CCSER2: variants seen among roughly 807,000 people sequenced by gnomAD.
CCSER2 encodes serine-rich coiled-coil domain-containing protein 2.
In CCSER2, 46 loss-of-function variants were observed where a neutral mutation model predicts 92.3. The observed-to-expected ratio is 0.50, with a 90% CI of 0.39 to 0.64. CCSER2 has a LOEUF of 0.64. Among genes scored for constraint, CCSER2 ranks in the 30% least tolerant of loss-of-function variants. The probability of loss-of-function intolerance (pLI) is 0.00; values close to 1 mark genes in which losing one functional copy is unlikely to be tolerated. For synonymous variants in CCSER2, 433 were observed against 431.4 expected, an observed-to-expected ratio of 1.00 and a Z score of -0.04; for missense variants, 1,244 against 1,238.9, an observed-to-expected ratio of 1.00 and a Z score of -0.06.
intron 3 of CCSER2, among the ~76,000 whole-genome samples, chr10:84,389,962 T>C (rs1473209668): frequency 6.6e-6 from 1 of 152,184 alleles, no homozygotes; most frequent in Non-Finnish European, 1.5e-5. Flanking sequence ...CTTGTTCTTT[T>C]TATTAGGAAA....
At chr10:84,499,670 T>A (rs1016658144) in intron 9 of CCSER2, among the ~76,000 whole-genome samples, 37 of 152,146 alleles carry the variant, frequency 2.4e-4, no homozygotes, top group South Asian at 8.3e-4. Flanking sequence ...AATAATTTTT[T>A]AAAAAAATAT....
At chr10:84,433,756 TTTCTC>T (rs1284117723) in intron 5 of CCSER2, among the ~76,000 whole-genome samples, 2 of 152,202 alleles carry the variant, frequency 1.3e-5, no homozygotes, top group Non-Finnish European at 2.9e-5. Flanking sequence ...TCAAGATTCT[TTTCTC>T]TAGTTTGCAT....
intron 7 of CCSER2, among the ~76,000 whole-genome samples, chr10:84,468,153 T>G (rs1846564649): frequency 6.6e-6 from 1 of 152,162 alleles, no homozygotes; most frequent in South Asian, 2.1e-4. Flanking sequence ...TCTCCAGACG[T>G]GCTATGCTTT....
chr10:84,344,702 G>C lies in CCSER2; in HGVS notation c.-40+15894G>C, dbSNP rs151249907. On this transcript the variant is annotated intron_variant, in intron 1 of 9. Transcript: ENST00000372088. Reference sequence around the variant, plus strand: ...GAGTCAAGGGAGTAGTGTGCACTTTGGTAAGGAGTCCTGAAAGAGCATCTT... The same window carrying C: ...GAGTCAAGGGAGTAGTGTGCACTTTCGTAAGGAGTCCTGAAAGAGCATCTT... Among the ~76,000 whole-genome samples, 742 of 152,264 alleles carry C rather than the reference G, an allele frequency of 4.9e-3. 5 individuals carry two copies. The highest frequency in any genetic ancestry group is 0.017 in the African/African-American group (709 of 41,544).
chr10:84,335,228 C>CTTTTTTT (rs1202869188), intron 1 of CCSER2, among the ~76,000 whole-genome samples: 9 of 69,998 alleles, frequency 1.3e-4, no homozygotes, highest in African/African-American at 2.3e-4. Context: ...CTCTCTCTCT[C>CTTTTTTT]TTTTTTTTTT....
intron 9 of CCSER2, among the ~76,000 whole-genome samples, 163 bp from the exon 10 acceptor site, chr10:84,513,286 T>C (rs1481539654): frequency 6.6e-6 from 1 of 152,218 alleles, no homozygotes; most frequent in Non-Finnish European, 1.5e-5. Flanking sequence ...TGTATGTGTC[T>C]AATTTGCTTG....
At chr10:84,509,505 C>T (rs115298879) in intron 9 of CCSER2, among the ~76,000 whole-genome samples, 133 of 152,298 alleles carry the variant, frequency 8.7e-4, no homozygotes, top group African/African-American at 3.1e-3. Flanking sequence ...TGCACAACCC[C>T]CCTGTAGTGC....
At chr10:84,337,973 T>C (rs1843933471) in intron 1 of CCSER2, among the ~76,000 whole-genome samples, 1 of 152,146 alleles carries the variant, frequency 6.6e-6, no homozygotes, top group African/African-American at 2.4e-5. Flanking sequence ...TATCTGTAGC[T>C]ATCAGCTTAG....
rs746071944 is a variant in CCSER2, at chr10:84,372,371, A to G, written c.1319A>G (p.Lys440Arg). ...GAGGAAATGTCTCTCAAAGAAGAGA[A>G]ACATGAAAATGGGCCACCACAGGAT... is the stretch of plus-strand genomic sequence containing the variant. The part of the protein sequence containing the change: ...TPEEMSLKEE[K>R]HENGPPQDMF... The change falls in exon 2 of 10, where the codon AAA becomes AGA. Residue 440 changes from lysine to arginine, a missense_variant. Physicochemically the swap from Lys to Arg is conservative, Grantham distance 26. Coordinates refer to ENST00000372088, the MANE Select transcript of CCSER2 (RefSeq NM_001284240.2). 2.5e-6 allele frequency: 4 copies of G among 1,612,326 alleles called. No individual in the cohort carries two copies. Among genetic ancestry groups the G allele is most frequent in the Non-Finnish European group, 3.4e-6 (4 of 1,179,170 alleles).
At chr10:84,492,617 T>C (rs1045391316) in intron 9 of CCSER2, among the ~76,000 whole-genome samples, 1 of 152,324 alleles carries the variant, frequency 6.6e-6, no homozygotes, top group African/African-American at 2.4e-5. Context: ...TGGGAGATGG[T>C]TTTTATCAAG....
intron 5 of CCSER2, among the ~76,000 whole-genome samples, chr10:84,436,582 C>T (rs1374668745): frequency 6.7e-6 from 1 of 148,732 alleles, no homozygotes; most frequent in Non-Finnish European, 1.5e-5. Flanking sequence ...TTGCAGTGAG[C>T]CGAGATCGCG....
chr10:84,447,258 A>G (rs1589690355), intron 6 of CCSER2, among the ~76,000 whole-genome samples: 1 of 152,226 alleles, frequency 6.6e-6, no homozygotes, highest in African/African-American at 2.4e-5. Flanking sequence ...TGCAAACTTG[A>G]TAATACCCAA....
At chr10:84,451,503 C>T (rs571020426) in intron 6 of CCSER2, among the ~76,000 whole-genome samples, 10 of 152,052 alleles carry the variant, frequency 6.6e-5, no homozygotes, top group South Asian at 6.2e-4. Flanking sequence ...TTTAGGAAAA[C>T]TTAGTTTCTT....
chr10:84,380,348 A>G (rs2133209062), intron 3 of CCSER2, among the ~76,000 whole-genome samples: 1 of 152,250 alleles, frequency 6.6e-6, no homozygotes, highest in South Asian at 2.1e-4. Context: ...TTGATATGGA[A>G]GAGTTTTTTA....
intron 1 of CCSER2, among the ~76,000 whole-genome samples, chr10:84,358,923 C>T (rs1845349238): frequency 1.3e-5 from 2 of 152,014 alleles, no homozygotes; most frequent in African/African-American, 2.4e-5. Flanking sequence ...TTGCCTTGTT[C>T]ATATGTACAG....
chr10:84,342,603 A>G (rs912871822), intron 1 of CCSER2, among the ~76,000 whole-genome samples: 14 of 152,116 alleles, frequency 9.2e-5, no homozygotes, highest in African/African-American at 3.4e-4. Flanking sequence ...AAAGCCCTTG[A>G]CTCAGACTTC....
chr10:84,351,771 A>G (rs1053999925), intron 1 of CCSER2, among the ~76,000 whole-genome samples: 53 of 152,248 alleles, frequency 3.5e-4, no homozygotes, highest in African/African-American at 1.3e-3. Context: ...GTGAGATTTC[A>G]GTAGTCTGCA....
Position 84,513,432 on chromosome 10 carries a change from GT to G in CCSER2, c.2326-12del, listed in dbSNP as rs199742087. ...TTTCTAAGAACTTGCTGCTAATGTT[GT>G]TTTTAATTTTAACAGCCTCAAGTAC... On this transcript the variant is annotated splice_polypyrimidine_tract_variant and intron_variant, in intron 9 of 9. Coordinates refer to ENST00000372088, the MANE Select transcript of CCSER2 (RefSeq NM_001284240.2). 1.3e-3 allele frequency: 2,029 copies of G among 1,555,492 alleles called. 20 individuals are homozygous for G. In the African/African-American group the frequency reaches 0.021, roughly 16 times the overall value.
intron 3 of CCSER2, among the ~76,000 whole-genome samples, chr10:84,405,323 A>G (rs1842323140): frequency 1.3e-5 from 2 of 152,244 alleles, no homozygotes; most frequent in African/African-American, 4.8e-5. Context: ...TTCAGAAATT[A>G]TTCCAAAATC....
Sources: allele counts gnomAD v4.1 joint callset (sites outside exome capture counted in the v4.1 genomes callset), GRCh38; gene constraint gnomAD v4.1.1; transcripts MANE v1.5; gene names NCBI Gene and HGNC (gene_info 2026-07-23, HGNC 2026-07-21).